MSANTD4: variants seen among roughly 807,000 people sequenced by gnomAD.
MSANTD4 encodes Myb/SANT DNA binding domain containing 4 with coiled-coils, also known as myb/SANT-like DNA-binding domain-containing protein 4.
Under a neutral mutation model 34.3 loss-of-function variants are expected in MSANTD4, and 13 were observed. The ratio of observed to expected loss-of-function variants is 0.38; its 90% confidence interval spans 0.25 to 0.60. The LOEUF is 0.60. Ranked by LOEUF, MSANTD4 falls within the 20% of genes least tolerant of loss-of-function variation. The probability of loss-of-function intolerance (pLI) is 0.63; values close to 1 mark genes in which losing one functional copy is unlikely to be tolerated. For synonymous variants in MSANTD4, 137 were observed against 145.2 expected (o/e 0.94, Z 0.41); for missense variants, 358 against 401.8 (o/e 0.89, Z 0.93).
At chr11:106,015,738 G>T (rs565516838) in intron 1 of MSANTD4, among the ~76,000 whole-genome samples, 7 of 151,724 alleles carry the variant, frequency 4.6e-5, no homozygotes, top group Admixed American at 1.3e-4. Context: ...GCAGAGAGCT[G>T]CTTTATTAGA....
chr11:106,020,763 G>A lies in MSANTD4; in HGVS notation c.-151+199C>T, dbSNP rs1423457806. Among the ~76,000 whole-genome samples the A allele has an allele frequency of 2.6e-5, 4 of 152,108 alleles. No individual in the cohort carries two copies. The East Asian group carries it at 7.7e-4, about 29-fold the overall frequency. Reference sequence around the variant, plus strand: ...CCTGACTGATCTATTCTGAACTGATGAACTATTTCATTTAATCAAATGGGC... The same window carrying A: ...CCTGACTGATCTATTCTGAACTGATAAACTATTTCATTTAATCAAATGGGC... On this transcript the variant is annotated intron_variant, in intron 1 of 2. Coordinates refer to ENST00000301919, the MANE Select transcript of MSANTD4 (RefSeq NM_032424.3).
At chr11:106,017,122 T>A (rs1204247890) in intron 1 of MSANTD4, among the ~76,000 whole-genome samples, 10 of 152,220 alleles carry the variant, frequency 6.6e-5, no homozygotes, top group Non-Finnish European at 1.3e-4. Flanking sequence ...TTAAGTCACA[T>A]AATGGAATAT....
intron 1 of MSANTD4, among the ~76,000 whole-genome samples, chr11:106,017,049 T>C (rs1011009454): frequency 6.6e-6 from 1 of 152,222 alleles, no homozygotes; most frequent in African/African-American, 2.4e-5. Flanking sequence ...CTATCACATT[T>C]TTAAGGTAAA....
chr11:106,010,311 G>A (rs188406266), intron 2 of MSANTD4, 145 bp downstream of exon 2: 43 of 1,326,946 alleles, frequency 3.2e-5, no homozygotes, highest in Non-Finnish European at 3.7e-5. Flanking sequence ...AAGTATTAAC[G>A]ATGTAAAGAG....
chr11:106,015,929 T>G (rs1464342194), intron 1 of MSANTD4, among the ~76,000 whole-genome samples: 1 of 152,162 alleles, frequency 6.6e-6, no homozygotes, highest in East Asian at 1.9e-4. Context: ...AGTGGCTCAA[T>G]CATAATTCAT....
chr11:106,015,378 A>C (rs1047288352), intron 1 of MSANTD4, among the ~76,000 whole-genome samples: 1 of 152,252 alleles, frequency 6.6e-6, no homozygotes, highest in Admixed American at 6.5e-5. Flanking sequence ...AAACAAAGAG[A>C]ACAGTTCCTG....
In MSANTD4 at chr11:106,009,987, A is replaced by T; in HGVS notation, c.586T>A (p.Ser196Thr). Residue 196 changes from serine (S) to threonine (T), a missense_variant, in exon 3 of 3, where the codon TCT (serine) becomes ACT (threonine). Transcript: ENST00000301919. ...AGCAAATGAGGCTCATCATATGCAG[A>T]TCTAGATGGTGTTGAGTTAAGGGTA... Reference protein sequence around the residue: ...FFTLNSTPSRSAYDEPHLLVN... With the variant: ...FFTLNSTPSRTAYDEPHLLVN... 2 of 1,610,176 alleles carry T rather than the reference A, an allele frequency of 1.2e-6. No homozygotes were observed. Among genetic ancestry groups the T allele is most frequent in the Middle Eastern group, 3.3e-4 (2 of 6,062 alleles).
At position 106,021,241 on chromosome 11, in the gene MSANTD4, G is replaced by T. The variant is rs538937092; in HGVS notation, c.-430C>A. The T allele has an allele frequency of 2.0e-5, 3 of 152,208 alleles. No individual in the cohort carries two copies. The highest frequency in any genetic ancestry group is 6.5e-5 in the Admixed American group (1 of 15,276). 9.4% of individuals were successfully genotyped at this position (152,208 alleles called of 1,614,324 possible). ...TAGCAGAAAGGATTCAACAGCTGCA[G>T]TCTCTAAAACTTACAAACCTTCTAT... On this transcript the variant is annotated 5_prime_UTR_variant, in exon 1 of 3. In the 5' UTR this introduces an upstream ATG that the reference lacks. Transcript: ENST00000301919.
chr11:106,012,680 C>A (rs149904430), intron 1 of MSANTD4, among the ~76,000 whole-genome samples: 1 of 152,336 alleles, frequency 6.6e-6, no homozygotes, highest in African/African-American at 2.4e-5. Context: ...CCTCTCCAGA[C>A]TGGGAACTCT....
At position 106,009,321 on chromosome 11, in the gene MSANTD4, A is replaced by G; in HGVS notation, c.*214T>C. 1 of 500,034 alleles carries G rather than the reference A, an allele frequency of 2.0e-6. No individual in the cohort carries two copies. The highest frequency in any genetic ancestry group is 3.5e-6 in the Non-Finnish European group (1 of 284,856). 31.0% of individuals were successfully genotyped at this position (500,034 alleles called of 1,614,324 possible). A position where few individuals can be genotyped will look rare whatever the true frequency, so the allele number is the denominator to read the frequency against. On this transcript the variant is annotated 3_prime_UTR_variant, in exon 3 of 3. Transcript: ENST00000301919. ...GACTCTATGTAATATTATAAGGTAA[A>G]GAGTCCAGCACAGTAAGTTTCTGCT...
In MSANTD4 at chr11:106,010,479, C is replaced by T. The variant is rs775491610; in HGVS notation, c.439G>A (p.Glu147Lys). 2.5e-6 allele frequency: 4 copies of T among 1,613,668 alleles called. No homozygotes were observed. In the East Asian group the frequency reaches 6.7e-5, roughly 27 times the overall value. The part of the protein sequence containing the change: ...SLTEVKVEEE[E>K]RDPQSPEFEI... Reference sequence around the variant, plus strand: ...ACTTCAGGACTCTGCGGATCCCTTTCTTCCTCTTCCACCTTGACCTCAGTT... The same window carrying T: ...ACTTCAGGACTCTGCGGATCCCTTTTTTCCTCTTCCACCTTGACCTCAGTT... Residue 147 changes from glutamate to lysine, a missense_variant, in exon 2 of 3, where the codon GAA (glutamate) becomes AAA (lysine). By Grantham distance (56) the Glu-to-Lys change is moderately conservative. This residue lies in a region of MSANTD4 where 312 missense variants were observed against 317.6 expected (regional missense o/e 0.98). Transcript: ENST00000301919.
In MSANTD4 at chr11:106,022,119, T is replaced by C. The variant is rs117177843; in HGVS notation, c.-1308A>G. Reference sequence around the variant, plus strand: ...ATTGCCGCTGACCCCTCCGGGACCCTACCCACTGCGAGGGCACCCACTGGT... The same window carrying C: ...ATTGCCGCTGACCCCTCCGGGACCCCACCCACTGCGAGGGCACCCACTGGT... On this transcript the variant is annotated 5_prime_UTR_variant, in exon 1 of 3. Coordinates refer to ENST00000301919, the MANE Select transcript of MSANTD4 (RefSeq NM_032424.3). 341 of 152,772 alleles carry C rather than the reference T, an allele frequency of 2.2e-3. 8 individuals are homozygous for C. The East Asian group carries it at 0.052, about 23-fold the overall frequency. The allele number at this position is 152,772 out of a possible 1,614,324, so 9.5% of individuals were successfully genotyped here.
In MSANTD4 at chr11:106,008,357, C is replaced by G. The variant is rs1211838486; in HGVS notation, c.*1178G>C. 1 of 152,212 alleles carries G rather than the reference C, an allele frequency of 6.6e-6. No individual in the cohort carries two copies. The highest frequency in any genetic ancestry group is 2.4e-5 in the African/African-American group (1 of 41,452). 9.4% of individuals were successfully genotyped at this position (152,212 alleles called of 1,614,324 possible). On this transcript the variant is annotated 3_prime_UTR_variant, in exon 3 of 3. Transcript: ENST00000301919. ...TACAATATAGAAGATCAGCCATTTA[C>G]TCTGTGTCACTTCTCTGAGCTTCAC... is the stretch of plus-strand genomic sequence containing the variant.
In MSANTD4 at chr11:106,010,448, ATACT is replaced by A. The variant is rs1211896161; in HGVS notation, c.462+4_462+7del. 4 of 1,604,684 alleles carry A rather than the reference ATACT, an allele frequency of 2.5e-6. No individual in the cohort carries two copies. Among genetic ancestry groups the A allele is most frequent in the Non-Finnish European group, 3.4e-6 (4 of 1,175,204 alleles). ...AGATTAAAAGAGGGTACAGAGGCTAATACTTACTTCAGGACTCTGCGGATCCCTT... is the reference window on the plus strand; with the variant it reads ...AGATTAAAAGAGGGTACAGAGGCTAATACTTCAGGACTCTGCGGATCCCTT... On this transcript the variant is annotated splice_donor_5th_base_variant and intron_variant, in intron 2 of 2. Transcript: ENST00000301919.
At position 106,011,025 on chromosome 11, in the gene MSANTD4, A is replaced by G; in HGVS notation, c.-108T>C. ...TCTTTGCTGGCCCTTAGTTCAAATC[A>G]TTGTCTTCCATTCATCTAGTGGCAA... On this transcript the variant is annotated 5_prime_UTR_variant, in exon 2 of 3. An upstream start codon of the reference 5' UTR is lost. Transcript: ENST00000301919. 1 of 1,430,234 alleles carries G rather than the reference A, an allele frequency of 7.0e-7. No individual in the cohort carries two copies. Among genetic ancestry groups the G allele is most frequent in the Non-Finnish European group, 9.1e-7 (1 of 1,096,734 alleles). The allele number at this position is 1,430,234 out of a possible 1,614,324, so 88.6% of individuals were successfully genotyped here. A position where few individuals can be genotyped will look rare whatever the true frequency, so the allele number is the denominator to read the frequency against.
At position 106,010,751 on chromosome 11, in the gene MSANTD4, T is replaced by C; in HGVS notation, c.167A>G (p.Asn56Ser). 1 of 1,614,210 alleles carries C rather than the reference T, an allele frequency of 6.2e-7. No individual in the cohort carries two copies. The highest frequency in any genetic ancestry group is 8.5e-7 in the Non-Finnish European group (1 of 1,180,032). The stretch of plus-strand genomic sequence containing the variant: ...CCTCTGTTCTCCTTCTCCTACAGCA[T>C]TCACACACTGTGCAATCTCTTCCCA... ...MAWEEIAQCV[N>S]AVGEGEQRTG... The change falls in exon 2 of 3, where the codon AAT becomes AGT. Residue 56 changes from asparagine to serine, a missense_variant. Transcript: ENST00000301919.
At chr11:106,012,810 A>T (rs1328052310) in intron 1 of MSANTD4, among the ~76,000 whole-genome samples, 2 of 152,206 alleles carry the variant, frequency 1.3e-5, no homozygotes, top group African/African-American at 4.8e-5. Context: ...TCACTCTCTT[A>T]TCTACCTTGA....
Position 106,009,666 on chromosome 11 carries a change from C to G in MSANTD4, c.907G>C (p.Glu303Gln). The change falls in exon 3 of 3, where the codon GAA becomes CAA. Residue 303 changes from glutamate to glutamine, a missense_variant. Physicochemically the swap from Glu to Gln is conservative, Grantham distance 29 (BLOSUM62 2). Around this residue, in one of 2 missense-constraint regions of MSANTD4, gnomAD observed 312 missense variants for 317.6 expected, o/e 0.98. Transcript: ENST00000301919. ...CTATCCTTTTCCAGTTGCAAGCGTT[C>G]TCGCTCAAGTTTTAACTTCTCTGTT... is the stretch of plus-strand genomic sequence containing the variant. ...IETEKLKLER[E>Q]RLQLEKDRLQ... 1 of 1,614,196 alleles carries G rather than the reference C, an allele frequency of 6.2e-7. No individual in the cohort carries two copies. Among genetic ancestry groups the G allele is most frequent in the Non-Finnish European group, 8.5e-7 (1 of 1,180,036 alleles).
rs1427951355 is a variant in MSANTD4 at position 106,021,114 on chromosome 11, C to T, written c.-303G>A. 1 of 152,182 alleles carries T rather than the reference C, an allele frequency of 6.6e-6. No homozygotes were observed. Among genetic ancestry groups the T allele is most frequent in the Non-Finnish European group, 1.5e-5 (1 of 68,022 alleles). The allele number at this position is 152,182 out of a possible 1,614,324, so 9.4% of individuals were successfully genotyped here. On this transcript the variant is annotated 5_prime_UTR_variant, in exon 1 of 3. Transcript: ENST00000301919. ...TACTGAGCTCCTACTGTGTGAAAGG[C>T]ACTATTTTTGGTGCTGGGGATATAA... is the stretch of plus-strand genomic sequence containing the variant.
Sources: gnomAD v4.1 joint callset for allele counts (sites outside exome capture counted in the v4.1 genomes callset) on GRCh38, gnomAD v4.1.1 for gene constraint, gnomAD v4.1.1 regional missense constraint, MANE v1.5 for transcripts, NCBI Gene and HGNC (gene_info 2026-07-23, HGNC 2026-07-21) for gene names.